Variants in AZIN2 observed in about 807,000 individuals in gnomAD.
AZIN2 encodes the protein ODC antizyme inhibitor-2.
In AZIN2, 28 loss-of-function variants were observed where a neutral mutation model predicts 47.8. That is an observed-to-expected ratio of 0.59 (90% CI 0.43 to 0.80). The LOEUF (loss-of-function observed/expected upper bound fraction) is 0.80. Among genes scored for constraint, AZIN2 ranks in the 30% least tolerant of loss-of-function variants. The pLI is 0.00. For missense variants in AZIN2, 535 were observed against 582.5 expected (o/e 0.92, Z 0.84); for synonymous variants, 221 against 239.4 (o/e 0.92, Z 0.71).
chr1:33,152,812 C>T, the AZIN2 span, among the ~76,000 whole-genome samples: 32,437 of 151,796 alleles, frequency 0.21, 3,545 homozygotes, highest in South Asian at 0.3. Flanking sequence ...AGGAATGTGC[C>T]GGGACTCAAA....
the AZIN2 span, chr1:33,160,065 G>T: frequency 7.7e-7 from 1 of 1,299,470 alleles, no homozygotes; most frequent in Non-Finnish European, 1.1e-6. Flanking sequence ...GGCACGCGTG[G>T]TGGGGGAAAT....
intron 5 of AZIN2, among the ~76,000 whole-genome samples, chr1:33,089,414 G>A (rs1018094811): frequency 5.9e-5 from 9 of 152,104 alleles, no homozygotes; most frequent in Non-Finnish European, 1.3e-4. Flanking sequence ...CCTGGGCAAT[G>A]TAGTGAGACC....
the AZIN2 span, among the ~76,000 whole-genome samples, chr1:33,136,795 G>C: frequency 6.6e-6 from 1 of 151,296 alleles, no homozygotes; most frequent in Non-Finnish European, 1.5e-5. Context: ...TCAGGAGTCC[G>C]AGACCAGCCT....
the AZIN2 span, among the ~76,000 whole-genome samples, chr1:33,131,288 G>A: frequency 6.6e-6 from 1 of 152,146 alleles, no homozygotes; most frequent in African/African-American, 2.4e-5. Flanking sequence ...TAGGCACTGG[G>A]GACAAACAAG....
the AZIN2 span, among the ~76,000 whole-genome samples, chr1:33,162,052 G>T: frequency 4.3e-4 from 66 of 152,158 alleles, no homozygotes; most frequent in Non-Finnish European, 7.9e-4. Context: ...ATCCCTCTGG[G>T]GTCCCACAGG....
At chr1:33,084,302 G>C (rs1319341084) in intron 5 of AZIN2, among the ~76,000 whole-genome samples, 175 bp downstream of exon 5, 4 of 152,200 alleles carry the variant, frequency 2.6e-5, no homozygotes, top group African/African-American at 9.6e-5. Context: ...AAACGAGCAT[G>C]GAATTTGTCA....
At chr1:33,151,375 G>A in the AZIN2 span, among the ~76,000 whole-genome samples, 1 of 152,090 alleles carries the variant, frequency 6.6e-6, no homozygotes, top group Non-Finnish European at 1.5e-5. Flanking sequence ...GTGAGGCTGG[G>A]GCAGGGTGTG....
chr1:33,122,987 C>A lies in AZIN2; in HGVS notation c.*2805C>A, dbSNP rs1170962011. On this transcript the variant is annotated 3_prime_UTR_variant, in exon 12 of 12. Transcript: ENST00000294517. The stretch of plus-strand genomic sequence containing the variant: ...AATGAAATTTAAAGTCCTTGGCCAG[C>A]TGGCTCTCTGACTCCCACACTTCCC... Among the ~76,000 whole-genome samples, 2 of 152,196 alleles carry A rather than the reference C, an allele frequency of 1.3e-5. No individual in the cohort carries two copies. Among genetic ancestry groups the A allele is most frequent in the African/African-American group, 4.8e-5 (2 of 41,438 alleles).
At chr1:33,127,082 C>G (rs548213045), downstream of AZIN2, among the ~76,000 whole-genome samples, 141 of 152,318 alleles carry the variant, frequency 9.3e-4, 1 homozygote, top group African/African-American at 3.1e-3. Flanking sequence ...TGGATCGTCC[C>G]TTTGTCCTGG....
chr1:33,101,852 G>A (rs911446870), intron 10 of AZIN2: 10 of 779,428 alleles, frequency 1.3e-5, no homozygotes, highest in Non-Finnish European at 2.4e-5. Flanking sequence ...CACTCACCCT[G>A]CTACATGTCT....
chr1:33,104,427 T>C (rs1357792676), intron 10 of AZIN2, among the ~76,000 whole-genome samples: 1 of 152,182 alleles, frequency 6.6e-6, no homozygotes, highest in Non-Finnish European at 1.5e-5. Flanking sequence ...AATTCTTTGT[T>C]ATTCTTTCAT....
At chr1:33,101,034 G>A (rs1368091226) in intron 10 of AZIN2, among the ~76,000 whole-genome samples, 4 of 151,536 alleles carry the variant, frequency 2.6e-5, no homozygotes, top group Admixed American at 6.6e-5. Flanking sequence ...GCTAATTTTT[G>A]TATTTTTAGT....
chr1:33,136,108 G>T, the AZIN2 span, among the ~76,000 whole-genome samples: 276 of 144,954 alleles, frequency 1.9e-3, no homozygotes, highest in African/African-American at 7.0e-3. Context: ...CAGCCCAGGG[G>T]CCAGCCCTTC....
intron 10 of AZIN2, among the ~76,000 whole-genome samples, chr1:33,111,607 ATTT>A (rs752298737): frequency 6.9e-6 from 1 of 144,906 alleles, no homozygotes; most frequent in Non-Finnish European, 1.5e-5. Flanking sequence ...TATATGAATA[ATTT>A]TTTTTTTTTT....
intron 11 of AZIN2, chr1:33,118,396 GCCT>G (rs1644663182): frequency 9.5e-6 from 3 of 314,594 alleles, no homozygotes; most frequent in Non-Finnish European, 1.7e-5. Context: ...TGAGGCCCAG[GCCT>G]CCCTGAGGAA....
the AZIN2 span, chr1:33,166,198 AG>A: frequency 6.6e-6 from 1 of 152,384 alleles, no homozygotes; most frequent in Non-Finnish European, 1.5e-5. Flanking sequence ...CGGAAAAACA[AG>A]CTCAGGGCTC....
chr1:33,152,194 G>A, the AZIN2 span, among the ~76,000 whole-genome samples: 3 of 152,240 alleles, frequency 2.0e-5, no homozygotes, highest in Non-Finnish European at 4.4e-5. Context: ...ACTTGGAGAG[G>A]AAGCAGAGTT....
At chr1:33,101,460 C>A (rs915308135) in intron 10 of AZIN2, among the ~76,000 whole-genome samples, 1 of 147,258 alleles carries the variant, frequency 6.8e-6, no homozygotes, top group African/African-American at 2.5e-5. Flanking sequence ...TCCTGAATTT[C>A]CCTTTGGTGC....
rs1180483537 is a variant in AZIN2, at chr1:33,097,038, T to C, written c.916+169T>C. ...AGTCAAGTCGCCCCACCCCAAGACA[T>C]TTATTTAGCATCTTTTTTCCTAGGC... On this transcript the variant is annotated intron_variant, in intron 9 of 11. Transcript: ENST00000294517. 2.4e-5 allele frequency: 17 copies of C among 722,488 alleles called. No homozygotes were observed. The East Asian group carries it at 4.4e-4, about 19-fold the overall frequency. The allele number at this position is 722,488 out of a possible 1,614,324, so 44.8% of individuals were successfully genotyped here. A position where few individuals can be genotyped will look rare whatever the true frequency, so the allele number is the denominator to read the frequency against.
Sources: gnomAD v4.1 joint callset for allele counts (sites outside exome capture counted in the v4.1 genomes callset) on GRCh38, gnomAD v4.1.1 for gene constraint, MANE v1.5 for transcripts, NCBI Gene and HGNC (gene_info 2026-07-23, HGNC 2026-07-21) for gene names.